ACVR2A: variants seen among roughly 807,000 people sequenced by gnomAD.
ACVR2A encodes the protein activin A receptor type 2A.
ACVR2A carries 7 observed loss-of-function variants against 61.4 expected under a neutral mutation model. The ratio of observed to expected loss-of-function variants is 0.11; its 90% CI spans 0.06 to 0.21. The LOEUF (loss-of-function observed/expected upper bound fraction) is 0.21, where lower values mean the gene tolerates loss of function less well. ACVR2A is among the 10% of genes least tolerant of loss of function. The pLI is 1.00. For synonymous variants in ACVR2A, 193 were observed against 208.3 expected (o/e 0.93, Z 0.63); for missense variants, 322 against 621.7 (o/e 0.52, Z 5.13).
At position 147,899,494 on chromosome 2, in the gene ACVR2A, A is replaced by G. The variant is rs764717020; in HGVS notation, c.300A>G (p.Val100=). 2 of 1,613,232 alleles carry G rather than the reference A, an allele frequency of 1.2e-6. No homozygotes were observed. The highest frequency in any genetic ancestry group is 1.7e-4 in the Middle Eastern group (1 of 6,050). The change falls in exon 3 of 11, where the codon GTA becomes GTG. Residue 100 remains valine, a synonymous_variant. Transcript: ENST00000241416. The stretch of plus-strand genomic sequence containing the variant: ...TAGAAAAAAAAGACAGCCCTGAAGT[A>G]TATTTTTGTTGCTGTGAGGGCAATA... ...DCVEKKDSPE[V]YFCCCEGNMC...
intron 1 of ACVR2A, among the ~76,000 whole-genome samples, chr2:147,868,912 C>T (rs941696135): frequency 1.3e-5 from 2 of 152,074 alleles, no homozygotes; most frequent in East Asian, 1.9e-4. Flanking sequence ...GGATTACAGA[C>T]GTGAGCCACC....
chr2:147,902,639 A>G (rs1176994739), intron 4 of ACVR2A, among the ~76,000 whole-genome samples: 2 of 152,016 alleles, frequency 1.3e-5, no homozygotes, highest in Non-Finnish European at 2.9e-5. Context: ...ACATTTTGGA[A>G]TAGGGTTGAT....
intron 2 of ACVR2A, among the ~76,000 whole-genome samples, chr2:147,897,423 T>G (rs1558806922): frequency 6.6e-6 from 1 of 152,204 alleles, no homozygotes; most frequent in Non-Finnish European, 1.5e-5. Context: ...ACAGTGGTCA[T>G]GTTATTGACT....
At chr2:147,899,032 C>G (rs1490039972) in intron 2 of ACVR2A, among the ~76,000 whole-genome samples, 1 of 152,056 alleles carries the variant, frequency 6.6e-6, no homozygotes, top group Admixed American at 6.6e-5. Flanking sequence ...CACACACATA[C>G]ACAGTTTTAT....
chr2:147,867,803 T>C (rs1685902221), intron 1 of ACVR2A, among the ~76,000 whole-genome samples: 1 of 152,100 alleles, frequency 6.6e-6, no homozygotes, highest in African/African-American at 2.4e-5. Flanking sequence ...CCAAGATTAT[T>C]CTTTTCCAGC....
At chr2:147,921,283 C>T (rs1687374955) in intron 8 of ACVR2A, among the ~76,000 whole-genome samples, 1 of 152,102 alleles carries the variant, frequency 6.6e-6, no homozygotes. Flanking sequence ...GATCCTCCCA[C>T]CTCGGCCTCC....
intron 1 of ACVR2A, among the ~76,000 whole-genome samples, chr2:147,881,801 C>CT (rs1456452886): frequency 6.6e-6 from 1 of 151,912 alleles, no homozygotes; most frequent in Non-Finnish European, 1.5e-5. Context: ...AAGATGCTAA[C>CT]TAACCTGCAT....
chr2:147,912,299 A>G (rs1434276973), intron 4 of ACVR2A, among the ~76,000 whole-genome samples: 2 of 152,010 alleles, frequency 1.3e-5, no homozygotes, highest in African/African-American at 4.8e-5. Flanking sequence ...TAAATGAGTA[A>G]AGAAGAAATG....
At chr2:147,887,211 CAA>C (rs549077029) in intron 1 of ACVR2A, among the ~76,000 whole-genome samples, 11 of 113,932 alleles carry the variant, frequency 9.7e-5, no homozygotes, top group Non-Finnish European at 9.5e-5. Flanking sequence ...GATCTTGTCT[CAA>C]AAAAAAAAAA....
chr2:147,920,567 A>T (rs1687355382), intron 8 of ACVR2A, among the ~76,000 whole-genome samples: 1 of 152,142 alleles, frequency 6.6e-6, no homozygotes, highest in Admixed American at 6.5e-5. Context: ...ACGTCATAGG[A>T]TTCTTTTTGA....
At chr2:147,857,533 A>T (rs956040292) in intron 1 of ACVR2A, among the ~76,000 whole-genome samples, 2 of 116,106 alleles carry the variant, frequency 1.7e-5, no homozygotes, top group African/African-American at 7.7e-5. Flanking sequence ...GGTTTTCTTT[A>T]AAAAAAAAAA....
chr2:147,849,321 CGT>C (rs749178287), intron 1 of ACVR2A, among the ~76,000 whole-genome samples: 1 of 151,870 alleles, frequency 6.6e-6, no homozygotes, highest in African/African-American at 2.4e-5. Flanking sequence ...TGGCGGTATT[CGT>C]GTGTGTGTGT....
At chr2:147,913,625 C>G (rs1396067799) in intron 4 of ACVR2A, among the ~76,000 whole-genome samples, 1 of 151,344 alleles carries the variant, frequency 6.6e-6, no homozygotes, top group Non-Finnish European at 1.5e-5. Flanking sequence ...TAGAGGTGAT[C>G]ACTTGAAGAA....
At chr2:147,909,544 A>G (rs1687067262) in intron 4 of ACVR2A, among the ~76,000 whole-genome samples, 2 of 152,176 alleles carry the variant, frequency 1.3e-5, no homozygotes, top group Admixed American at 6.5e-5. Flanking sequence ...ACCTACAGTT[A>G]TAGTATATAA....
At chr2:147,854,741 A>T (rs573229349) in intron 1 of ACVR2A, among the ~76,000 whole-genome samples, 1 of 152,340 alleles carries the variant, frequency 6.6e-6, no homozygotes, top group East Asian at 1.9e-4. Context: ...TGCCTTTCTG[A>T]AGCTTATAGT....
At chr2:147,916,506 A>G (rs1687252696) in intron 5 of ACVR2A, among the ~76,000 whole-genome samples, 1 of 152,048 alleles carries the variant, frequency 6.6e-6, no homozygotes, top group Middle Eastern at 3.4e-3. Context: ...CAACAATTCT[A>G]TAAGACAGAC....
At chr2:147,855,239 G>A (rs1366382186) in intron 1 of ACVR2A, among the ~76,000 whole-genome samples, 3 of 152,178 alleles carry the variant, frequency 2.0e-5, no homozygotes, top group Non-Finnish European at 4.4e-5. Context: ...GGGGAAGGGT[G>A]TGACTTTTTC....
chr2:147,899,733 C>A lies in ACVR2A; in HGVS notation c.374-11C>A, dbSNP rs538847975. 1.2e-6 allele frequency: 2 copies of A among 1,610,790 alleles called. No homozygotes were observed. The highest frequency in any genetic ancestry group is 2.7e-5 in the African/African-American group (2 of 74,766). ...CCAAATCTGAGTTATTTTTCCCCCC[C>A]TTTTCCACAGCCACTTCAAATCCAG... On this transcript the variant is annotated splice_polypyrimidine_tract_variant and intron_variant, in intron 3 of 10. Coordinates refer to ENST00000241416, the MANE Select transcript of ACVR2A (RefSeq NM_001616.5).
chr2:147,917,393 G>T lies in ACVR2A; in HGVS notation c.783G>T (p.Val261=), dbSNP rs139486112. The T allele has an allele frequency of 6.2e-7, 1 of 1,612,056 alleles. No homozygotes were observed. The part of the protein sequence containing the change: ...GAEKRGTSVD[V]DLWLITAFHE... Reference sequence around the variant, plus strand: ...AAAAACGAGGCACCAGTGTTGATGTGGATCTTTGGCTGATCACAGCATTTC... The same window carrying T: ...AAAAACGAGGCACCAGTGTTGATGTTGATCTTTGGCTGATCACAGCATTTC... Residue 261 remains valine (V), a synonymous_variant, in exon 6 of 11, where the codon GTG becomes GTT. Coordinates refer to ENST00000241416, the MANE Select transcript of ACVR2A (RefSeq NM_001616.5).
Sources: gnomAD v4.1 joint callset for allele counts (sites outside exome capture counted in the v4.1 genomes callset) on GRCh38, gnomAD v4.1.1 for gene constraint, MANE v1.5 for transcripts, NCBI Gene and HGNC (gene_info 2026-07-23, HGNC 2026-07-21) for gene names.